Variants in ACOT1 observed in about 807,000 individuals in gnomAD.
The protein encoded by ACOT1 is acyl-coenzyme A thioesterase 1.
Under a neutral mutation model 15.7 loss-of-function variants are expected in ACOT1, and 8 were observed. The observed-to-expected ratio is 0.51, with a 90% CI of 0.30 to 0.92. The LOEUF (loss-of-function observed/expected upper bound fraction) is 0.92, where lower values mean the gene tolerates loss of function less well. ACOT1 is among the 40% of genes least tolerant of loss of function. The pLI, the probability that ACOT1 is intolerant of heterozygous loss-of-function variation, is 0.06. For missense variants in ACOT1, 151 were observed against 539.4 expected, an observed-to-expected ratio of 0.28 and a Z score of 7.13; for synonymous variants, 67 against 241.2, an observed-to-expected ratio of 0.28 and a Z score of 6.69.
At chr14:73,505,212 G>A in the ACOT1 span, among the ~76,000 whole-genome samples, 9 of 151,832 alleles carry the variant, frequency 5.9e-5, no homozygotes, top group Middle Eastern at 3.4e-3. Flanking sequence ...CCACCGTACC[G>A]GACCCCTTCA....
the ACOT1 span, chr14:73,491,562 A>G: frequency 6.5e-7 from 1 of 1,538,684 alleles, no homozygotes; most frequent in African/African-American, 1.4e-5. Context: ...CCGGCCTGGG[A>G]CTCCCCGCTG....
At chr14:73,520,528 C>G in the ACOT1 span, 1 of 213,882 alleles carries the variant, frequency 4.7e-6, no homozygotes, top group Non-Finnish European at 9.2e-6. Context: ...GAGAATATCT[C>G]GAAGTGAGAG....
the ACOT1 span, among the ~76,000 whole-genome samples, chr14:73,513,693 C>T: frequency 1.5e-5 from 2 of 134,766 alleles, no homozygotes; most frequent in Non-Finnish European, 3.0e-5. Flanking sequence ...CACCGTTGCA[C>T]TCCAGCCAAG....
chr14:73,491,010 G>T, the ACOT1 span: 1 of 1,443,064 alleles, frequency 6.9e-7, no homozygotes, highest in Non-Finnish European at 9.2e-7. Flanking sequence ...GACTGGTGTG[G>T]TCTGGCCATG....
At chr14:73,513,097 A>G in the ACOT1 span, among the ~76,000 whole-genome samples, 9 of 152,200 alleles carry the variant, frequency 5.9e-5, no homozygotes, top group African/African-American at 9.6e-5. Context: ...GACATGGACA[A>G]TGGTTGGACA....
upstream of ACOT1, among the ~76,000 whole-genome samples, chr14:73,535,029 CT>C (rs1888817125): frequency 8.8e-6 from 1 of 113,966 alleles, no homozygotes; most frequent in Non-Finnish European, 1.9e-5. Context: ...CTCTAACCTG[CT>C]TTTTTTCATC....
chr14:73,522,490 C>T, the ACOT1 span: 13 of 1,614,116 alleles, frequency 8.1e-6, no homozygotes, highest in Non-Finnish European at 1.1e-5. Flanking sequence ...TTCGAGGACG[C>T]TTGCTCTGGA....
At chr14:73,491,637 A>G in the ACOT1 span, 2 of 1,549,758 alleles carry the variant, frequency 1.3e-6, no homozygotes, top group Non-Finnish European at 1.7e-6. Flanking sequence ...CGCCTCTTTG[A>G]GTGGCTCATC....
upstream of ACOT1, among the ~76,000 whole-genome samples, chr14:73,532,931 G>C (rs531423337): frequency 3.2e-4 from 36 of 111,340 alleles, 10 homozygotes; most frequent in Admixed American, 2.9e-3. Flanking sequence ...CTCCAGCCTG[G>C]GTGACAGAGC....
rs1403765673 is a variant in ACOT1, at chr14:73,538,753, G to A, written c.457+875G>A. ...AGCACTTTGGGAGGCCGAGGCAGGCGGATCAAGAGTTCGAGACCAGCCTGG... is the reference window on the plus strand; with the variant it reads ...AGCACTTTGGGAGGCCGAGGCAGGCAGATCAAGAGTTCGAGACCAGCCTGG... On this transcript the variant is annotated intron_variant, in intron 1 of 2. Coordinates refer to ENST00000311148, the MANE Select transcript of ACOT1 (RefSeq NM_001037161.2). Among the ~76,000 whole-genome samples, 4 of 113,538 alleles carry A rather than the reference G, an allele frequency of 3.5e-5. 1 individual carries two copies. The highest frequency in any genetic ancestry group is 1.4e-3 in the East Asian group (2 of 1,436). 74.5% of individuals were successfully genotyped at this position (113,538 alleles called of 152,430 possible).
chr14:73,499,579 C>T, the ACOT1 span, among the ~76,000 whole-genome samples: 2 of 152,184 alleles, frequency 1.3e-5, no homozygotes, highest in Non-Finnish European at 1.5e-5. Flanking sequence ...CCTATCAATT[C>T]TGGTGACAAA....
the ACOT1 span, chr14:73,495,167 A>C: frequency 2.0e-6 from 3 of 1,478,034 alleles, no homozygotes; most frequent in South Asian, 3.8e-5. Context: ...CAAAACATCC[A>C]GATCCTGGAA....
At chr14:73,492,539 G>A in the ACOT1 span, 20 of 1,613,682 alleles carry the variant, frequency 1.2e-5, no homozygotes, top group South Asian at 2.2e-4. This position sits in a 1 kb window ranked among gnomAD's most constrained non-coding sequence, Gnocchi z 4.9. Flanking sequence ...CTTCATTCAC[G>A]ATTCTCTGCC....
chr14:73,530,921 G>C, the ACOT1 span: 3 of 99,486 alleles, frequency 3.0e-5, 1 homozygote, highest in African/African-American at 9.8e-5. Context: ...ATACAGGCAT[G>C]AGCCACTGCA....
At chr14:73,541,937 C>T (rs1215295140) in intron 2 of ACOT1, among the ~76,000 whole-genome samples, 1 of 112,930 alleles carries the variant, frequency 8.9e-6, no homozygotes, top group African/African-American at 3.0e-5. Flanking sequence ...CTCACTGCAA[C>T]CTCCACCTCC....
At chr14:73,535,465 C>CTTTTTTTTTTTTTTTTT (rs1888827549), upstream of ACOT1, among the ~76,000 whole-genome samples, 1 of 15,806 alleles carries the variant, frequency 6.3e-5, no homozygotes, top group Non-Finnish European at 2.5e-4. Flanking sequence ...TCTTTTTCTT[C>CTTTTTTTTTTTTTTTTT]TTTCTTTTTT....
the ACOT1 span, among the ~76,000 whole-genome samples, chr14:73,524,378 A>T: frequency 0.058 from 8,246 of 141,616 alleles, 277 homozygotes; most frequent in Middle Eastern, 0.11. Context: ...AATGGTTTTG[A>T]CTCTTCATGA....
the ACOT1 span, chr14:73,492,341 G>A: frequency 6.2e-7 from 1 of 1,613,954 alleles, no homozygotes. The surrounding 1 kb of genome is among the most constrained non-coding windows in gnomAD (Gnocchi z 4.9). Context: ...GGCAGTGCAG[G>A]CTGCAATGGA....
chr14:73,512,805 G>A, the ACOT1 span, among the ~76,000 whole-genome samples: 2 of 152,212 alleles, frequency 1.3e-5, no homozygotes, highest in East Asian at 3.9e-4. Context: ...TTATCTGTAG[G>A]TGTTTCCTTC....
Sources: gnomAD v4.1 joint callset for allele counts (sites outside exome capture counted in the v4.1 genomes callset) on GRCh38, gnomAD v4.1.1 for gene constraint, Gnocchi (gnomAD v3.1) non-coding constraint, MANE v1.5 for transcripts, NCBI Gene and HGNC (gene_info 2026-07-23, HGNC 2026-07-21) for gene names.